OGFRL1: variants seen among roughly 807,000 people sequenced by gnomAD.
The protein encoded by OGFRL1 is opioid growth factor receptor-like protein 1.
In OGFRL1, 26 loss-of-function variants were observed where a neutral mutation model predicts 32.4. The ratio of observed to expected loss-of-function variants is 0.80; its 90% CI spans 0.59 to 1.11. The LOEUF is 1.11. Ranked by LOEUF, OGFRL1 falls within the 50% of genes most tolerant of loss-of-function variation. OGFRL1 has a pLI of 0.00. For missense variants in OGFRL1, 521 were observed against 546.4 expected (o/e 0.95, Z 0.46); for synonymous variants, 211 against 201.2 (o/e 1.05, Z -0.41).
At chr6:71,293,418 T>G (rs765056487) in intron 2 of OGFRL1, 39 bp downstream of exon 2, 6 of 1,597,014 alleles carry the variant, frequency 3.8e-6, no homozygotes, top group Non-Finnish European at 4.3e-6. Context: ...CTGTAAACTA[T>G]TTTCCTTCTG....
chr6:71,293,264 T>G, intron 1 of OGFRL1, 29 bp from the exon 2 acceptor site: 1 of 1,575,672 alleles, frequency 6.3e-7, no homozygotes, highest in Non-Finnish European at 8.7e-7. Flanking sequence ...TGCGTCAACA[T>G]GTAAACGGAG....
chr6:71,291,769 T>C (rs569685693), intron 1 of OGFRL1: 2 of 152,358 alleles, frequency 1.3e-5, no homozygotes, highest in East Asian at 3.9e-4. Flanking sequence ...GCTTAAGGCC[T>C]CACAAATACA....
chr6:71,308,472 G>C lies in OGFRL1; in HGVS notation c.*6423G>C, dbSNP rs185233442. 25 of 152,256 alleles carry C rather than the reference G, an allele frequency of 1.6e-4. No individual in the cohort carries two copies. The highest frequency in any genetic ancestry group is 1.4e-3 in the Admixed American group (22 of 15,298). The allele number at this position is 152,256 out of a possible 1,614,324, so 9.4% of individuals were successfully genotyped here. On this transcript the variant is annotated 3_prime_UTR_variant, in exon 7 of 7. Transcript: ENST00000370435. Reference sequence around the variant, plus strand: ...TGTCCCTTGTATTTTAAATATTTCAGGAAAATGCCTACGATTGTTACAAAG... The same window carrying C: ...TGTCCCTTGTATTTTAAATATTTCACGAAAATGCCTACGATTGTTACAAAG...
At chr6:71,293,473 T>A in intron 2 of OGFRL1, 60 bp from the exon 3 acceptor site, 1 of 1,560,588 alleles carries the variant, frequency 6.4e-7, no homozygotes. Flanking sequence ...GCATGAAGGG[T>A]CCTTGTATCT....
rs942602663 is a variant in OGFRL1 at position 71,304,855 on chromosome 6, A to G, written c.*2806A>G. 6.6e-6 allele frequency: 1 copy of G among 152,098 alleles called. No homozygotes were observed. Among genetic ancestry groups the G allele is most frequent in the South Asian group, 2.1e-4 (1 of 4,826 alleles). 9.4% of individuals were successfully genotyped at this position (152,098 alleles called of 1,614,324 possible). On this transcript the variant is annotated 3_prime_UTR_variant, in exon 7 of 7. Coordinates refer to ENST00000370435, the MANE Select transcript of OGFRL1 (RefSeq NM_024576.5). ...CCCTAAATAACTTAGATAATCATTC[A>G]GTGGAGAACAAGTAAAAGGATATCA...
Position 71,302,798 on chromosome 6 carries a change from T to C in OGFRL1, c.*749T>C, listed in dbSNP as rs1182511512. On this transcript the variant is annotated 3_prime_UTR_variant, in exon 7 of 7. Coordinates refer to ENST00000370435, the MANE Select transcript of OGFRL1 (RefSeq NM_024576.5). ...TAATTTTTTTTTTAACTGTAAGAGTTTGATCTTTTCAAATGTGTTCAGAAA... is the reference window on the plus strand; with the variant it reads ...TAATTTTTTTTTTAACTGTAAGAGTCTGATCTTTTCAAATGTGTTCAGAAA... 1 of 152,170 alleles carries C rather than the reference T, an allele frequency of 6.6e-6. No individual in the cohort carries two copies. Among genetic ancestry groups the C allele is most frequent in the Non-Finnish European group, 1.5e-5 (1 of 68,018 alleles). 9.4% of individuals were successfully genotyped at this position (152,170 alleles called of 1,614,324 possible). A position where few individuals can be genotyped will look rare whatever the true frequency, so the allele number is the denominator to read the frequency against.
chr6:71,296,263 A>C, intron 3 of OGFRL1, 54 bp from the exon 4 acceptor site: 1 of 1,194,396 alleles, frequency 8.4e-7, no homozygotes, highest in Middle Eastern at 2.4e-4. Flanking sequence ...GAATCTTAAA[A>C]TGCCTTCACA....
Position 71,301,958 on chromosome 6 carries a change from C to T in OGFRL1, c.1265C>T (p.Ser422Phe), listed in dbSNP as rs1561952104. Residue 422 changes from serine to phenylalanine, a missense_variant, in exon 7 of 7, where the codon TCT (serine) becomes TTT (phenylalanine). Transcript: ENST00000370435. ...CCCACAGAAAAAAAGGAGAGTGTAT[C>T]TCCTGAGAATAACGAAGAAGGTGGA... ...TTPTEKKESV[S>F]PENNEEGGND... The T allele has an allele frequency of 1.9e-6, 3 of 1,608,126 alleles. No homozygotes were observed. Among genetic ancestry groups the T allele is most frequent in the Non-Finnish European group, 2.5e-6 (3 of 1,178,646 alleles).
intron 3 of OGFRL1, 44 bp downstream of exon 3, chr6:71,293,655 A>AGTG: frequency 8.0e-7 from 1 of 1,256,396 alleles, no homozygotes; most frequent in Non-Finnish European, 1.2e-6. Flanking sequence ...AAATAATCAC[A>AGTG]TACACTTGGT....
In OGFRL1 at chr6:71,296,305, T is replaced by A. The variant is rs749720155; in HGVS notation, c.401-12T>A. ...GAAATGTCTGGTTCATTTTTAAATA[T>A]TTACTATTTAGGTGTTTACATTGAA... is the stretch of plus-strand genomic sequence containing the variant. On this transcript the variant is annotated splice_polypyrimidine_tract_variant and intron_variant, in intron 3 of 6. Coordinates refer to ENST00000370435, the MANE Select transcript of OGFRL1 (RefSeq NM_024576.5). The A allele has an allele frequency of 6.6e-7, 1 of 1,520,262 alleles. No individual in the cohort carries two copies. The highest frequency in any genetic ancestry group is 2.3e-5 in the East Asian group (1 of 44,292). 94.2% of individuals were successfully genotyped at this position (1,520,262 alleles called of 1,614,324 possible).
intron 6 of OGFRL1, among the ~76,000 whole-genome samples, chr6:71,297,938 T>A (rs1467441826): frequency 3.4e-5 from 5 of 148,374 alleles, no homozygotes; most frequent in East Asian, 3.9e-4. Flanking sequence ...TATCTCCTAA[T>A]GCTATCCCTC....
intron 1 of OGFRL1, among the ~76,000 whole-genome samples, chr6:71,292,375 G>A (rs1023729752): frequency 6.6e-6 from 1 of 152,208 alleles, no homozygotes; most frequent in African/African-American, 2.4e-5. Flanking sequence ...ATGCCAATCT[G>A]TCAACACAGA....
Position 71,301,896 on chromosome 6 carries a change from G to A in OGFRL1, c.1203G>A (p.Glu401=). 1 of 1,613,996 alleles carries A rather than the reference G, an allele frequency of 6.2e-7. No homozygotes were observed. Among genetic ancestry groups the A allele is most frequent in the Non-Finnish European group, 8.5e-7 (1 of 1,180,000 alleles). Residue 401 remains glutamate, a synonymous_variant, in exon 7 of 7, where the codon GAG becomes GAA. Coordinates refer to ENST00000370435, the MANE Select transcript of OGFRL1 (RefSeq NM_024576.5). The part of the protein sequence containing the change: ...PRNTEKDSNA[E]NMNSQPEKTV... Reference sequence around the variant, plus strand: ...ATACAGAGAAGGACAGTAATGCTGAGAACATGAATTCTCAACCTGAGAAAA... The same window carrying A: ...ATACAGAGAAGGACAGTAATGCTGAAAACATGAATTCTCAACCTGAGAAAA...
rs1206373922 is a variant in OGFRL1, at chr6:71,303,337, C to A, written c.*1288C>A. 1 of 152,138 alleles carries A rather than the reference C, an allele frequency of 6.6e-6. No homozygotes were observed. Among genetic ancestry groups the A allele is most frequent in the Non-Finnish European group, 1.5e-5 (1 of 68,020 alleles). The allele number at this position is 152,138 out of a possible 1,614,324, so 9.4% of individuals were successfully genotyped here. A position where few individuals can be genotyped will look rare whatever the true frequency, so the allele number is the denominator to read the frequency against. ...GGACCACTATACACATTAGGATGATCTATATTGAAATCTACATGGAACAGA... is the reference window on the plus strand; with the variant it reads ...GGACCACTATACACATTAGGATGATATATATTGAAATCTACATGGAACAGA... On this transcript the variant is annotated 3_prime_UTR_variant, in exon 7 of 7. Coordinates refer to ENST00000370435, the MANE Select transcript of OGFRL1 (RefSeq NM_024576.5).
intron 6 of OGFRL1, among the ~76,000 whole-genome samples, chr6:71,300,420 T>C (rs1365244200): frequency 1.3e-5 from 2 of 152,120 alleles, no homozygotes; most frequent in African/African-American, 4.8e-5. Context: ...AGAGGAAAGA[T>C]GTTAGTGTAA....
chr6:71,289,225 G>A (rs1765960747), intron 1 of OGFRL1, 55 bp downstream of exon 1: 2 of 1,041,170 alleles, frequency 1.9e-6, no homozygotes, highest in South Asian at 8.4e-5. Flanking sequence ...ACACCCCAGA[G>A]GGGCAAGTGC....
chr6:71,297,053 C>T (rs950331642), intron 6 of OGFRL1, among the ~76,000 whole-genome samples: 1 of 149,696 alleles, frequency 6.7e-6, no homozygotes, highest in East Asian at 1.9e-4. Context: ...ACCTGTTTCT[C>T]CCTGAAACCT....
Position 71,301,933 on chromosome 6 carries a change from C to A in OGFRL1, c.1240C>A (p.Pro414Thr). Residue 414 changes from proline (P) to threonine (T), a missense_variant, in exon 7 of 7, where the codon CCC becomes ACC. Coordinates refer to ENST00000370435, the MANE Select transcript of OGFRL1 (RefSeq NM_024576.5). ...NSQPEKTVTT[P>T]TEKKESVSPE... ...TCAACCTGAGAAAACAGTTACTACT[C>A]CCACAGAAAAAAAGGAGAGTGTATC... 1 of 1,611,980 alleles carries A rather than the reference C, an allele frequency of 6.2e-7. No homozygotes were observed. Among genetic ancestry groups the A allele is most frequent in the Admixed American group, 1.7e-5 (1 of 59,518 alleles).
chr6:71,304,800 A>G lies in OGFRL1; in HGVS notation c.*2751A>G, dbSNP rs1766497506. On this transcript the variant is annotated 3_prime_UTR_variant, in exon 7 of 7. Coordinates refer to ENST00000370435, the MANE Select transcript of OGFRL1 (RefSeq NM_024576.5). ...CTATGGTGTTTTTAAATGCATATTCATATATAATAGTATGTTTCTTACATT... is the reference window on the plus strand; with the variant it reads ...CTATGGTGTTTTTAAATGCATATTCGTATATAATAGTATGTTTCTTACATT... The G allele has an allele frequency of 6.6e-6, 1 of 152,076 alleles. No homozygotes were observed. The highest frequency in any genetic ancestry group is 2.1e-4 in the South Asian group (1 of 4,830). The allele number at this position is 152,076 out of a possible 1,614,324, so 9.4% of individuals were successfully genotyped here.
Sources: gnomAD v4.1 joint callset for allele counts (sites outside exome capture counted in the v4.1 genomes callset) on GRCh38, gnomAD v4.1.1 for gene constraint, MANE v1.5 for transcripts, NCBI Gene and HGNC (gene_info 2026-07-23, HGNC 2026-07-21) for gene names.